Variants in TUT4 observed in about 807,000 individuals in gnomAD.
TUT4 encodes the protein terminal uridylyl transferase 4, also known as terminal uridylyltransferase 4.
In TUT4, 36 loss-of-function variants were observed where a neutral mutation model predicts 192.2. The observed-to-expected ratio is 0.19, with a 90% CI of 0.14 to 0.25. The LOEUF (loss-of-function observed/expected upper bound fraction) is 0.25, where lower values mean the gene tolerates loss of function less well. Ranked by LOEUF, TUT4 falls within the 10% of genes least tolerant of loss-of-function variation. The probability of loss-of-function intolerance (pLI) is 1.00; values close to 1 mark genes in which losing one functional copy is unlikely to be tolerated. For synonymous variants in TUT4, 618 were observed against 666.0 expected, an observed-to-expected ratio of 0.93 and a Z score of 1.11; for missense variants, 1,493 against 1,957.2, an observed-to-expected ratio of 0.76 and a Z score of 4.47.
intron 1 of TUT4, among the ~76,000 whole-genome samples, chr1:52,532,388 T>A (rs1683716539): frequency 6.6e-6 from 1 of 151,896 alleles, no homozygotes; most frequent in Non-Finnish European, 1.5e-5. Context: ...TGCAGTGGCG[T>A]GCAGTCATGG....
chr1:52,477,603 C>CAT (rs1157536641), intron 12 of TUT4, 105 bp downstream of exon 12: 112 of 1,083,222 alleles, frequency 1.0e-4, no homozygotes, highest in Non-Finnish European at 1.2e-4. Context: ...AATCTAGTGA[C>CAT]ATATATATAT....
In TUT4 at chr1:52,446,317, C is replaced by T. The variant is rs200381281; in HGVS notation, c.3639G>A (p.Lys1213=). Residue 1213 remains lysine, a synonymous_variant, in exon 22 of 30, where the codon AAG becomes AAA. Coordinates refer to ENST00000257177, the MANE Select transcript of TUT4 (RefSeq NM_001009881.3). ...KEYVISIRQK[K]LLTTFEKQWT... ...ACTGCTTCTCAAAAGTTGTCAACAG[C>T]TTTTTCTGCCGAATGCTAATTACAT... 1 of 1,613,700 alleles carries T rather than the reference C, an allele frequency of 6.2e-7. No individual in the cohort carries two copies. The highest frequency in any genetic ancestry group is 2.2e-5 in the East Asian group (1 of 44,812).
chr1:52,521,155 T>G (rs189984112), intron 2 of TUT4, among the ~76,000 whole-genome samples: 1 of 152,322 alleles, frequency 6.6e-6, no homozygotes, highest in Non-Finnish European at 1.5e-5. Flanking sequence ...ACTAGAAGAT[T>G]AACTCCATAA....
intron 26 of TUT4, among the ~76,000 whole-genome samples, chr1:52,436,364 T>C (rs2148259952): frequency 6.6e-6 from 1 of 152,122 alleles, no homozygotes; most frequent in East Asian, 1.9e-4. Flanking sequence ...CATGCGCCTG[T>C]AATCCCAGCT....
In TUT4 at chr1:52,425,512, A is replaced by G. The variant is rs1194549809; in HGVS notation, c.4712-5T>C. 1 of 1,605,250 alleles carries G rather than the reference A, an allele frequency of 6.2e-7. No individual in the cohort carries two copies. Among genetic ancestry groups the G allele is most frequent in the Non-Finnish European group, 8.5e-7 (1 of 1,176,444 alleles). ...TCAGTCCTCGAAAGCCTGGCTCTGC[A>G]TTTCAACAAGAGGGAAAAAGACATT... On this transcript the variant is annotated splice_region_variant and splice_polypyrimidine_tract_variant and intron_variant, in intron 28 of 29. Coordinates refer to ENST00000257177, the MANE Select transcript of TUT4 (RefSeq NM_001009881.3).
chr1:52,543,647 G>C (rs1438832154), intron 1 of TUT4, among the ~76,000 whole-genome samples: 2 of 151,670 alleles, frequency 1.3e-5, no homozygotes, highest in Admixed American at 6.6e-5. Flanking sequence ...CTGGGCCCAG[G>C]TAATTTTTGT....
In TUT4 at chr1:52,490,716, C is replaced by T; in HGVS notation, c.1388+16G>A. 6.3e-7 allele frequency: 1 copy of T among 1,591,554 alleles called. No homozygotes were observed. The highest frequency in any genetic ancestry group is 8.5e-7 in the Non-Finnish European group (1 of 1,172,158). On this transcript the variant is annotated intron_variant, in intron 8 of 29. Coordinates refer to ENST00000257177, the MANE Select transcript of TUT4 (RefSeq NM_001009881.3). ...GGGTTTGTTTTTTTAAATATTTTAT[C>T]TTCATTGTTACCAACCTTTTTCGAT...
chr1:52,515,836 A>G, intron 3 of TUT4, 55 bp downstream of exon 3: 3 of 1,603,694 alleles, frequency 1.9e-6, no homozygotes, highest in Non-Finnish European at 1.7e-6. Flanking sequence ...GTACTTGGGG[A>G]AAACAGTTAT....
At chr1:52,468,042 T>G (rs1259920837) in intron 15 of TUT4, 139 bp downstream of exon 15, 1 of 599,194 alleles carries the variant, frequency 1.7e-6, no homozygotes, top group African/African-American at 2.0e-5. Flanking sequence ...TGAGGTTTCA[T>G]CTCTTTTATT....
chr1:52,498,848 C>T (rs1447780858), intron 4 of TUT4, among the ~76,000 whole-genome samples: 1 of 134,208 alleles, frequency 7.5e-6, no homozygotes, highest in East Asian at 2.2e-4. Flanking sequence ...GATCGCACCA[C>T]TGCACTCCAG....
chr1:52,449,291 T>G (rs1019142690), intron 20 of TUT4, among the ~76,000 whole-genome samples: 6 of 152,188 alleles, frequency 3.9e-5, no homozygotes, highest in African/African-American at 1.4e-4. Flanking sequence ...ATATGTACTG[T>G]TATATTTACA....
intron 2 of TUT4, among the ~76,000 whole-genome samples, chr1:52,520,028 A>C (rs139545569): frequency 3.5e-4 from 54 of 152,260 alleles, no homozygotes; most frequent in Middle Eastern, 6.8e-3. Flanking sequence ...CAAAAAAAGA[A>C]GGCAAAGGAA....
chr1:52,507,607 T>A (rs572220429), intron 4 of TUT4, among the ~76,000 whole-genome samples: 48 of 152,204 alleles, frequency 3.2e-4, no homozygotes, highest in African/African-American at 1.2e-3. Flanking sequence ...AGTTTCCCTA[T>A]ACGGGCTGAG....
intron 28 of TUT4, among the ~76,000 whole-genome samples, chr1:52,428,984 T>G (rs1215699368): frequency 6.6e-6 from 1 of 151,850 alleles, no homozygotes; most frequent in African/African-American, 2.4e-5. Context: ...GATAAAAGAA[T>G]AGCAAATTAT....
At chr1:52,539,637 T>A (rs1158520717) in intron 1 of TUT4, among the ~76,000 whole-genome samples, 1 of 152,026 alleles carries the variant, frequency 6.6e-6, no homozygotes, top group African/African-American at 2.4e-5. Context: ...ATGCCTATAA[T>A]CACAGCACTT....
chr1:52,522,208 T>C (rs1379529454), intron 2 of TUT4, among the ~76,000 whole-genome samples: 1 of 152,234 alleles, frequency 6.6e-6, no homozygotes, highest in East Asian at 1.9e-4. Context: ...GAAAAATGAC[T>C]GTATACTACA....
chr1:52,515,809 G>GA, intron 3 of TUT4, 82 bp downstream of exon 3: 1 of 1,537,184 alleles, frequency 6.5e-7, no homozygotes, highest in South Asian at 1.1e-5. Context: ...ATGAATAAAA[G>GA]AAAAATAAAA....
chr1:52,428,487 G>T (rs749448646), intron 28 of TUT4, among the ~76,000 whole-genome samples: 5 of 152,096 alleles, frequency 3.3e-5, no homozygotes, highest in African/African-American at 4.8e-5. Context: ...TTAGCTAGGC[G>T]TGGTGGCAGG....
At chr1:52,512,794 T>C (rs1282295843) in intron 3 of TUT4, among the ~76,000 whole-genome samples, 1 of 152,174 alleles carries the variant, frequency 6.6e-6, no homozygotes, top group African/African-American at 2.4e-5. Flanking sequence ...ATCTAATGGT[T>C]TGGACTTATT....
Sources: gnomAD v4.1 joint callset for allele counts (sites outside exome capture counted in the v4.1 genomes callset) on GRCh38, gnomAD v4.1.1 for gene constraint, MANE v1.5 for transcripts, NCBI Gene and HGNC (gene_info 2026-07-23, HGNC 2026-07-21) for gene names.